Variants in CDH8 observed in about 807,000 individuals in gnomAD.
CDH8 encodes cadherin 8.
Under a neutral mutation model 68.1 loss-of-function variants are expected in CDH8, and 17 were observed. The observed-to-expected ratio is 0.25, with a 90% confidence interval of 0.17 to 0.37. CDH8 has a LOEUF of 0.37. Among genes scored for constraint, CDH8 ranks in the 10% least tolerant of loss-of-function variants. CDH8 has a pLI of 1.00. For missense variants in CDH8, 763 were observed against 999.3 expected, an observed-to-expected ratio of 0.76 and a Z score of 3.19; for synonymous variants, 372 against 365.1, an observed-to-expected ratio of 1.02 and a Z score of -0.21.
At chr16:62,025,950 GT>G (rs1902189479) in intron 1 of CDH8, among the ~76,000 whole-genome samples, 1 of 152,026 alleles carries the variant, frequency 6.6e-6, no homozygotes, top group Non-Finnish European at 1.5e-5. Flanking sequence ...AGGGAGATTA[GT>G]ATTTTAAGTA....
At chr16:61,908,729 T>C (rs894629455) in intron 2 of CDH8, among the ~76,000 whole-genome samples, 2 of 152,198 alleles carry the variant, frequency 1.3e-5, no homozygotes, top group South Asian at 4.1e-4. Context: ...AATGCCTTTA[T>C]ATGCTGAAAT....
intron 8 of CDH8, among the ~76,000 whole-genome samples, chr16:61,747,752 TA>T (rs968385605): frequency 4.1e-4 from 62 of 150,596 alleles, no homozygotes; most frequent in African/African-American, 1.2e-3. Context: ...ATGGTAAAAT[TA>T]AAAAAAAATT....
At chr16:61,900,624 T>C (rs1963952608) in intron 3 of CDH8, among the ~76,000 whole-genome samples, 1 of 152,080 alleles carries the variant, frequency 6.6e-6, no homozygotes, top group South Asian at 2.1e-4. Flanking sequence ...TGAGAGTGGG[T>C]CAATGGTACT....
At position 61,695,077 on chromosome 16, in the gene CDH8, CCTT is replaced by C. The variant is rs199548664; in HGVS notation, c.1654+18761_1654+18763del. 6.1e-4 allele frequency among the ~76,000 whole-genome samples: 93 copies of C among 152,058 alleles called. No homozygotes were observed. In the East Asian group the frequency reaches 0.011, roughly 17 times the overall value. On this transcript the variant is annotated intron_variant, in intron 10 of 11. Coordinates refer to ENST00000577390, the MANE Select transcript of CDH8 (RefSeq NM_001796.5). The stretch of plus-strand genomic sequence containing the variant: ...TATAGGCATGAGCCACCATGCCCGG[CCTT>C]CTTCTTCTTCTTTTTTTTTTAGTGG...
At chr16:61,921,498 T>A (rs545526386) in intron 2 of CDH8, among the ~76,000 whole-genome samples, 14 of 152,108 alleles carry the variant, frequency 9.2e-5, no homozygotes, top group Non-Finnish European at 2.1e-4. Context: ...TTCTAGCAAA[T>A]ACTCGAATTT....
chr16:61,905,699 T>C (rs1964049206), intron 2 of CDH8, among the ~76,000 whole-genome samples: 1 of 152,032 alleles, frequency 6.6e-6, no homozygotes, highest in Admixed American at 6.6e-5. Context: ...AGAGAGGAAC[T>C]GGGGACTGTG....
intron 3 of CDH8, among the ~76,000 whole-genome samples, chr16:61,860,462 C>T (rs1963129202): frequency 6.6e-6 from 1 of 152,014 alleles, no homozygotes; most frequent in African/African-American, 2.4e-5. Context: ...GAAAAAGACA[C>T]CAGAGTTACC....
chr16:61,818,888 T>C (rs1962144591), intron 6 of CDH8, among the ~76,000 whole-genome samples: 1 of 151,908 alleles, frequency 6.6e-6, no homozygotes, highest in African/African-American at 2.4e-5. Context: ...TTTCAAACTA[T>C]TGTGTTGGTT....
intron 4 of CDH8, among the ~76,000 whole-genome samples, chr16:61,856,223 T>C (rs1031593534): frequency 1.3e-5 from 2 of 152,184 alleles, no homozygotes; most frequent in African/African-American, 4.8e-5. Context: ...GTACATTGAA[T>C]TTTTCTATTT....
intron 10 of CDH8, among the ~76,000 whole-genome samples, chr16:61,664,677 G>T (rs998119502): frequency 6.6e-6 from 1 of 151,758 alleles, no homozygotes; most frequent in African/African-American, 2.4e-5. Context: ...AACTGAGGGC[G>T]CTTAGGTTCA....
rs1277383181 is a variant in CDH8, at chr16:61,647,852, T to A, written c.*5756A>T. ...CCACAGTCTTTCTCTTCAGACAGCA[T>A]CTTGTGATATTCCTCCTAGCAACCC... On this transcript the variant is annotated 3_prime_UTR_variant, in exon 12 of 12. Transcript: ENST00000577390. The A allele has an allele frequency of 1.4e-6, 1 of 699,730 alleles. No individual in the cohort carries two copies. The highest frequency in any genetic ancestry group is 2.7e-5 in the East Asian group (1 of 37,206). The allele number at this position is 699,730 out of a possible 1,614,324, so 43.3% of individuals were successfully genotyped here. A position where few individuals can be genotyped will look rare whatever the true frequency, so the allele number is the denominator to read the frequency against.
At chr16:62,022,030 CT>C (rs1256109439) in intron 1 of CDH8, among the ~76,000 whole-genome samples, 1 of 151,908 alleles carries the variant, frequency 6.6e-6, no homozygotes, top group African/African-American at 2.4e-5. Flanking sequence ...GCCTTTTATT[CT>C]TTCTTTCTTT....
rs1209051197 is a variant in CDH8, at chr16:61,650,698, TGTGTGTGTGAGAGAGAGA to T, written c.*2892_*2909del. The T allele has an allele frequency of 1.1e-4, 12 of 107,288 alleles. No homozygotes were observed. Among genetic ancestry groups the T allele is most frequent in the African/African-American group, 5.0e-4 (12 of 23,956 alleles). The allele number at this position is 107,288 out of a possible 1,614,324, so 6.6% of individuals were successfully genotyped here. On this transcript the variant is annotated 3_prime_UTR_variant, in exon 12 of 12. Transcript: ENST00000577390. ...GTGTGTGTGTGTGTGTGTGTGTGTG[TGTGTGTGTGAGAGAGAGA>T]GAGAGAGAGAGAGAGAAAGAGAGAA...
In CDH8 at chr16:61,652,721, C is replaced by A; in HGVS notation, c.*887G>T. 7.8e-7 allele frequency: 1 copy of A among 1,282,574 alleles called. No individual in the cohort carries two copies. The highest frequency in any genetic ancestry group is 1.5e-5 in the African/African-American group (1 of 65,786). The allele number at this position is 1,282,574 out of a possible 1,614,324, so 79.4% of individuals were successfully genotyped here. On this transcript the variant is annotated 3_prime_UTR_variant, in exon 12 of 12. Coordinates refer to ENST00000577390, the MANE Select transcript of CDH8 (RefSeq NM_001796.5). ...ATCCCCTTAATCTATAGATTACCGA[C>A]CTTAATAAATAAAAGCATTAATGGA... is the stretch of plus-strand genomic sequence containing the variant.
rs913023242 is a variant in CDH8, at chr16:62,004,337, G to C, written c.252+16815C>G. ...CTGAGTATGGGGGCTATTGTGGCAG[G>C]AATTGAAGCCTCGCTTTGTCTAACT... On this transcript the variant is annotated intron_variant, in intron 2 of 11. Coordinates refer to ENST00000577390, the MANE Select transcript of CDH8 (RefSeq NM_001796.5). Among the ~76,000 whole-genome samples the C allele has an allele frequency of 3.9e-5, 6 of 152,136 alleles. No individual in the cohort carries two copies. In the East Asian group the frequency reaches 1.2e-3, roughly 29 times the overall value.
At chr16:61,736,112 A>AAAGAAAGGAAGGAAGGAAGGAAGG (rs776989465) in intron 8 of CDH8, among the ~76,000 whole-genome samples, 90 of 116,516 alleles carry the variant, frequency 7.7e-4, no homozygotes, top group Middle Eastern at 4.2e-3. Context: ...AGAAAGAAAG[A>AAAGAAAGGAAGGAAGGAAGGAAGG]AAGGAAGGAA....
chr16:61,953,046 C>G (rs748387257), intron 2 of CDH8, among the ~76,000 whole-genome samples: 2 of 152,138 alleles, frequency 1.3e-5, no homozygotes, highest in Non-Finnish European at 2.9e-5. Context: ...CTGACTCACT[C>G]TCCTGAATGG....
chr16:61,706,644 A>AAAAAAT (rs1468847521), intron 10 of CDH8, among the ~76,000 whole-genome samples: 1 of 148,134 alleles, frequency 6.8e-6, no homozygotes. Flanking sequence ...AAAAAAAAAA[A>AAAAAAT]GTGTAACTGG....
chr16:62,013,669 C>G (rs1245176507), intron 2 of CDH8, among the ~76,000 whole-genome samples: 1 of 152,020 alleles, frequency 6.6e-6, no homozygotes, highest in African/African-American at 2.4e-5. Flanking sequence ...TTTTTAATGA[C>G]TTTATGCTAT....
Sources: allele counts gnomAD v4.1 joint callset (sites outside exome capture counted in the v4.1 genomes callset), GRCh38; gene constraint gnomAD v4.1.1; transcripts MANE v1.5; gene names NCBI Gene and HGNC (gene_info 2026-07-23, HGNC 2026-07-21).